The following METTL2B variants were observed in gnomAD, a reference collection of about 807,000 sequenced individuals.
METTL2B encodes the protein methyltransferase 2B, tRNA N3-cytidine, also known as tRNA N(3)-cytidine methyltransferase METTL2B.
Under a neutral mutation model 51.0 loss-of-function variants are expected in METTL2B, and 28 were observed. The ratio of observed to expected loss-of-function variants is 0.55; its 90% CI spans 0.41 to 0.75. The LOEUF is 0.75. METTL2B is among the 30% of genes least tolerant of loss of function. METTL2B has a pLI of 0.00. For synonymous variants in METTL2B, 128 were observed against 166.3 expected (o/e 0.77, Z 1.77); for missense variants, 313 against 460.7 (o/e 0.68, Z 2.93).
chr7:128,494,659 G>A (rs1443306498), intron 6 of METTL2B, among the ~76,000 whole-genome samples: 2 of 151,752 alleles, frequency 1.3e-5, no homozygotes, highest in Non-Finnish European at 1.5e-5. Flanking sequence ...ACAGAGTCTC[G>A]CCCTGTTGCC....
At chr7:128,477,725 G>T (rs1028907848) in intron 2 of METTL2B, among the ~76,000 whole-genome samples, 1 of 151,494 alleles carries the variant, frequency 6.6e-6, no homozygotes, top group African/African-American at 2.4e-5. Context: ...AGAGGTTGAT[G>T]ATTTCACTGC....
chr7:128,506,158 G>C lies in METTL2B; in HGVS notation c.*4242G>C, dbSNP rs1477026772. On this transcript the variant is annotated 3_prime_UTR_variant, in exon 9 of 9. Coordinates refer to ENST00000262432, the MANE Select transcript of METTL2B (RefSeq NM_018396.3). ...CAGAGGTGGGAGCAAAGAATGAAGG[G>C]AGGAAGAGAGCTCCCATCTTTTCCA... 6.6e-6 allele frequency: 1 copy of C among 151,258 alleles called. No individual in the cohort carries two copies. The highest frequency in any genetic ancestry group is 2.5e-5 in the African/African-American group (1 of 40,606). 9.4% of individuals were successfully genotyped at this position (151,258 alleles called of 1,614,324 possible).
At chr7:128,485,054 A>G (rs1189508718) in intron 4 of METTL2B, among the ~76,000 whole-genome samples, 1 of 152,124 alleles carries the variant, frequency 6.6e-6, no homozygotes, top group Non-Finnish European at 1.5e-5. Context: ...AAATGCACAA[A>G]TCTCTATATA....
chr7:128,500,030 A>G (rs930339635), intron 7 of METTL2B, among the ~76,000 whole-genome samples: 3 of 152,140 alleles, frequency 2.0e-5, no homozygotes, highest in South Asian at 4.1e-4. Flanking sequence ...GAGGAGAGCA[A>G]TGTGCAAGGG....
intron 4 of METTL2B, among the ~76,000 whole-genome samples, chr7:128,484,555 G>GTAAT (rs1290888207): frequency 1.3e-5 from 2 of 152,046 alleles, no homozygotes; most frequent in Admixed American, 6.6e-5. Flanking sequence ...TATAAAGTGT[G>GTAAT]TAATACAGTG....
intron 2 of METTL2B, among the ~76,000 whole-genome samples, chr7:128,477,444 G>C (rs191230553): frequency 1.3e-5 from 2 of 152,272 alleles, no homozygotes; most frequent in African/African-American, 4.8e-5. Flanking sequence ...GATCCACGTT[G>C]ATATGGCTAG....
chr7:128,500,011 A>C (rs1256224100), intron 7 of METTL2B, among the ~76,000 whole-genome samples: 1 of 152,268 alleles, frequency 6.6e-6, no homozygotes, highest in Admixed American at 6.5e-5. Flanking sequence ...TCTGTTGTGT[A>C]TTCAGTGAGA....
At chr7:128,480,015 A>C (rs1799854247) in intron 3 of METTL2B, among the ~76,000 whole-genome samples, 1 of 152,096 alleles carries the variant, frequency 6.6e-6, no homozygotes, top group Non-Finnish European at 1.5e-5. Flanking sequence ...GTATAATGTA[A>C]ATTCATAAAT....
Position 128,478,550 on chromosome 7 carries a change from C to T in METTL2B, c.203-608C>T, listed in dbSNP as rs1482060161. On this transcript the variant is annotated intron_variant, in intron 2 of 8. Coordinates refer to ENST00000262432, the MANE Select transcript of METTL2B (RefSeq NM_018396.3). Reference sequence around the variant, plus strand: ...AGGCATGCGCCACTGCACCTGGCTACTTCTAGGATTTTTTAATAGTTAAAA... The same window carrying T: ...AGGCATGCGCCACTGCACCTGGCTATTTCTAGGATTTTTTAATAGTTAAAA... Among the ~76,000 whole-genome samples the T allele has an allele frequency of 2.0e-5, 3 of 150,774 alleles. No homozygotes were observed. The East Asian group carries it at 6.0e-4, about 30-fold the overall frequency.
chr7:128,478,314 G>C (rs192286655), intron 2 of METTL2B, among the ~76,000 whole-genome samples: 1 of 150,338 alleles, frequency 6.7e-6, no homozygotes, highest in Non-Finnish European at 1.5e-5. Flanking sequence ...GCAGTGGCGC[G>C]ATCTCAGCTC....
Position 128,477,193 on chromosome 7 carries a change from C to G in METTL2B, c.202+20C>G, listed in dbSNP as rs1165810251. ...AACAAGGTGCGCTTAAATGGGCTCT[C>G]GTTGGTATCAACAGCCAGCGTACTG... is the stretch of plus-strand genomic sequence containing the variant. On this transcript the variant is annotated intron_variant, in intron 2 of 8. Coordinates refer to ENST00000262432, the MANE Select transcript of METTL2B (RefSeq NM_018396.3). 1.2e-6 allele frequency: 2 copies of G among 1,613,612 alleles called. No homozygotes were observed. Among genetic ancestry groups the G allele is most frequent in the East Asian group, 2.2e-5 (1 of 44,882 alleles).
At chr7:128,499,136 A>G (rs1250273582) in intron 7 of METTL2B, among the ~76,000 whole-genome samples, 2 of 152,362 alleles carry the variant, frequency 1.3e-5, no homozygotes, top group East Asian at 3.9e-4. Flanking sequence ...AAGACTTAAT[A>G]TCTTTGCTCT....
intron 4 of METTL2B, among the ~76,000 whole-genome samples, chr7:128,482,199 G>T (rs991781019): frequency 4.5e-4 from 69 of 152,062 alleles, no homozygotes; most frequent in Non-Finnish European, 7.9e-4. Flanking sequence ...CATCTCCCAG[G>T]TTGGAGTACA....
intron 7 of METTL2B, among the ~76,000 whole-genome samples, chr7:128,498,858 A>G (rs1792973974): frequency 1.3e-5 from 2 of 152,054 alleles, no homozygotes; most frequent in African/African-American, 2.4e-5. Context: ...TTAGCCGGGC[A>G]TGGTGGCACA....
intron 3 of METTL2B, 143 bp from the exon 4 acceptor site, chr7:128,480,504 T>C: frequency 2.9e-6 from 4 of 1,380,090 alleles, no homozygotes; most frequent in Non-Finnish European, 2.9e-6. Flanking sequence ...ACAAATGTCA[T>C]GGGTACTGTT....
At chr7:128,498,613 T>A (rs1379387089) in intron 7 of METTL2B, among the ~76,000 whole-genome samples, 3 of 152,150 alleles carry the variant, frequency 2.0e-5, no homozygotes, top group Non-Finnish European at 2.9e-5. Context: ...AGTAGTATAT[T>A]TTTTAAGAAA....
At chr7:128,484,696 G>A (rs545033488) in intron 4 of METTL2B, among the ~76,000 whole-genome samples, 24 of 151,962 alleles carry the variant, frequency 1.6e-4, no homozygotes, top group African/African-American at 4.6e-4. Flanking sequence ...AGTTTCAAGC[G>A]ATTCTCCTGC....
chr7:128,482,135 A>C (rs1799879529), intron 4 of METTL2B, among the ~76,000 whole-genome samples: 1 of 152,158 alleles, frequency 6.6e-6, no homozygotes, highest in African/African-American at 2.4e-5. Context: ...ACATAAATTC[A>C]GTGTGGTCCT....
At chr7:128,499,416 G>T (rs574933240) in intron 7 of METTL2B, among the ~76,000 whole-genome samples, 7 of 151,804 alleles carry the variant, frequency 4.6e-5, no homozygotes, top group Admixed American at 2.6e-4. Context: ...GCAATGGCGC[G>T]ATCTCGGCTC....
Sources: gnomAD v4.1 joint callset for allele counts (sites outside exome capture counted in the v4.1 genomes callset) on GRCh38, gnomAD v4.1.1 for gene constraint, MANE v1.5 for transcripts, NCBI Gene and HGNC (gene_info 2026-07-23, HGNC 2026-07-21) for gene names.